The following ATRNL1 variants were observed in gnomAD, a reference collection of about 807,000 sequenced individuals.
ATRNL1 encodes attractin like 1.
ATRNL1 carries 95 observed loss-of-function variants against 182.7 expected under a neutral mutation model. The observed-to-expected ratio is 0.52, with a 90% CI of 0.44 to 0.62. The LOEUF (loss-of-function observed/expected upper bound fraction) is 0.62. ATRNL1 is among the 20% of genes least tolerant of loss of function. The pLI, the probability that ATRNL1 is intolerant of heterozygous loss-of-function variation, is 0.00. For missense variants in ATRNL1, 1,471 were observed against 1,679.5 expected, an observed-to-expected ratio of 0.88 and a Z score of 2.17; for synonymous variants, 576 against 568.3, an observed-to-expected ratio of 1.01 and a Z score of -0.19.
At chr10:115,291,929 A>T (rs1219232337) in intron 15 of ATRNL1, among the ~76,000 whole-genome samples, 1 of 151,554 alleles carries the variant, frequency 6.6e-6, no homozygotes, top group Admixed American at 6.6e-5. Context: ...ATTTGAGAAG[A>T]ATTGGTTTTA....
rs533862518 is a variant in ATRNL1 at position 115,374,117 on chromosome 10, T to G, written c.3176-20542T>G. Reference sequence around the variant, plus strand: ...TGGTAGATTGTATGTTTCTAGAAACTTACTCATTTCTTATAAGTGATTCTA... The same window carrying G: ...TGGTAGATTGTATGTTTCTAGAAACGTACTCATTTCTTATAAGTGATTCTA... On this transcript the variant is annotated intron_variant, in intron 19 of 28. Coordinates refer to ENST00000355044, the MANE Select transcript of ATRNL1 (RefSeq NM_207303.4). Among the ~76,000 whole-genome samples the G allele has an allele frequency of 2.2e-3, 315 of 145,926 alleles. 1 individual carries two copies. The highest frequency in any genetic ancestry group is 6.6e-3 in the African/African-American group (237 of 35,954).
chr10:115,783,742 C>T lies in ATRNL1; in HGVS notation c.3903+56387C>T, dbSNP rs782728362. 3.9e-5 allele frequency among the ~76,000 whole-genome samples: 6 copies of T among 152,092 alleles called. No individual in the cohort carries two copies. In the East Asian group the frequency reaches 7.7e-4, roughly 20 times the overall value. Reference sequence around the variant, plus strand: ...TTATAAAGTGATTCGGGGCCGGGCGCGGTGGCTCACACCTGTAATCCCAGC... The same window carrying T: ...TTATAAAGTGATTCGGGGCCGGGCGTGGTGGCTCACACCTGTAATCCCAGC... On this transcript the variant is annotated intron_variant, in intron 27 of 28. Coordinates refer to ENST00000355044, the MANE Select transcript of ATRNL1 (RefSeq NM_207303.4).
At chr10:115,649,687 G>A (rs1555033777) in intron 26 of ATRNL1, among the ~76,000 whole-genome samples, 1 of 152,070 alleles carries the variant, frequency 6.6e-6, no homozygotes, top group African/African-American at 2.4e-5. Flanking sequence ...TTCATTTTGT[G>A]AATGAAAAGA....
chr10:115,371,942 C>T (rs1857417247), intron 19 of ATRNL1, among the ~76,000 whole-genome samples: 3 of 152,150 alleles, frequency 2.0e-5, no homozygotes, highest in South Asian at 4.1e-4. Context: ...AGGTCCTTTC[C>T]ATGCTATTTG....
chr10:115,845,473 T>A (rs564725273), intron 27 of ATRNL1, among the ~76,000 whole-genome samples: 1 of 152,194 alleles, frequency 6.6e-6, no homozygotes, highest in Admixed American at 6.6e-5. Context: ...ACCTGAAGTT[T>A]AGTTATTTTT....
chr10:115,754,110 C>T (rs536063307), intron 27 of ATRNL1, among the ~76,000 whole-genome samples: 5 of 152,134 alleles, frequency 3.3e-5, no homozygotes, highest in Non-Finnish European at 7.3e-5. Context: ...AATTTTCTCC[C>T]ATTCTGTAGG....
chr10:115,757,725 G>A (rs967526849), intron 27 of ATRNL1, among the ~76,000 whole-genome samples: 1 of 152,100 alleles, frequency 6.6e-6, no homozygotes, highest in African/African-American at 2.4e-5. Flanking sequence ...GGTTGGGGAA[G>A]GTCTCTTGGA....
rs532220796 is a variant in ATRNL1, at chr10:115,447,437, T to C, written c.3323-14504T>C. ...AATAATCAATATTTATTGAGTACTT[T>C]ATATATGTCAAACAGTTATAAGTAC... On this transcript the variant is annotated intron_variant, in intron 21 of 28. Transcript: ENST00000355044. Among the ~76,000 whole-genome samples the C allele has an allele frequency of 6.6e-5, 10 of 151,612 alleles. No homozygotes were observed. In the East Asian group the frequency reaches 1.9e-3, roughly 29 times the overall value.
intron 21 of ATRNL1, among the ~76,000 whole-genome samples, chr10:115,451,361 A>G (rs190951060): frequency 4.2e-4 from 64 of 152,328 alleles, no homozygotes; most frequent in African/African-American, 1.4e-3. Flanking sequence ...TTTGCAAACT[A>G]TGCGTCTATC....
chr10:115,250,414 C>T (rs915984773), intron 10 of ATRNL1, among the ~76,000 whole-genome samples: 3 of 152,206 alleles, frequency 2.0e-5, no homozygotes, highest in Admixed American at 6.5e-5. Context: ...ATTCCACATA[C>T]TACTTTTTCC....
intron 26 of ATRNL1, among the ~76,000 whole-genome samples, chr10:115,620,923 G>T (rs1555022527): frequency 6.6e-6 from 1 of 151,982 alleles, no homozygotes; most frequent in African/African-American, 2.4e-5. Flanking sequence ...AGTTTTCATA[G>T]AAATTTTTTT....
chr10:115,574,545 C>A (rs1477581126), intron 26 of ATRNL1, among the ~76,000 whole-genome samples: 6 of 152,046 alleles, frequency 3.9e-5, no homozygotes, highest in Non-Finnish European at 8.8e-5. Context: ...GTATCTTAAT[C>A]TTTTATATTT....
rs1564989604 is a variant in ATRNL1 at position 115,389,536 on chromosome 10, ATGT to A, written c.3176-5122_3176-5120del. On this transcript the variant is annotated intron_variant, in intron 19 of 28. Coordinates refer to ENST00000355044, the MANE Select transcript of ATRNL1 (RefSeq NM_207303.4). ...AAAGCTGAATAGTATTCAAATGTGT[ATGT>A]GTATATATATATATATATATATATA... 2.9e-5 allele frequency among the ~76,000 whole-genome samples: 2 copies of A among 69,064 alleles called. 1 individual carries two copies. The highest frequency in any genetic ancestry group is 1.7e-4 in the African/African-American group (2 of 11,716). The allele number at this position is 69,064 out of a possible 152,430, so 45.3% of individuals were successfully genotyped here. A position where few individuals can be genotyped will look rare whatever the true frequency, so the allele number is the denominator to read the frequency against.
intron 27 of ATRNL1, among the ~76,000 whole-genome samples, chr10:115,842,745 A>G (rs1413005440): frequency 2.0e-5 from 3 of 152,086 alleles, no homozygotes; most frequent in Non-Finnish European, 2.9e-5. Flanking sequence ...GTAATATTGT[A>G]TAGTGGCTGA....
chr10:115,543,310 T>C (rs1182705386), intron 25 of ATRNL1, among the ~76,000 whole-genome samples: 4 of 152,208 alleles, frequency 2.6e-5, no homozygotes, highest in Non-Finnish European at 5.9e-5. Context: ...ATATAAGCAA[T>C]TTTTTCTTTT....
intron 24 of ATRNL1, among the ~76,000 whole-genome samples, chr10:115,492,940 G>T (rs1554977058): frequency 6.6e-6 from 1 of 151,904 alleles, no homozygotes; most frequent in African/African-American, 2.4e-5. Flanking sequence ...ACCGCGCCTG[G>T]CCTTACTAAA....
intron 5 of ATRNL1, among the ~76,000 whole-genome samples, chr10:115,132,539 T>C: frequency 6.6e-6 from 1 of 152,300 alleles, no homozygotes; most frequent in South Asian, 2.1e-4. Flanking sequence ...TAGTTTACAG[T>C]CCCACCAACA....
intron 5 of ATRNL1, among the ~76,000 whole-genome samples, chr10:115,144,456 C>T (rs1170259254): frequency 6.6e-6 from 1 of 151,710 alleles, no homozygotes; most frequent in Non-Finnish European, 1.5e-5. Flanking sequence ...CTGTGCCCGG[C>T]CAATTTTTTG....
chr10:115,254,084 C>T (rs556466368), intron 10 of ATRNL1, among the ~76,000 whole-genome samples: 1 of 152,078 alleles, frequency 6.6e-6, no homozygotes, highest in African/African-American at 2.4e-5. Flanking sequence ...TGAATAGTAC[C>T]GCAGTAAACA....
Sources: gnomAD v4.1 joint callset for allele counts (sites outside exome capture counted in the v4.1 genomes callset) on GRCh38, gnomAD v4.1.1 for gene constraint, MANE v1.5 for transcripts, NCBI Gene and HGNC (gene_info 2026-07-23, HGNC 2026-07-21) for gene names.